Variants in JAK1 observed in about 807,000 individuals in gnomAD.
The protein encoded by JAK1 is tyrosine-protein kinase JAK1.
In JAK1, 16 loss-of-function variants were observed where a neutral mutation model predicts 136.6. That is an observed-to-expected ratio of 0.12 (90% confidence interval 0.08 to 0.18). The LOEUF (loss-of-function observed/expected upper bound fraction) is 0.18. JAK1 is among the 10% of genes least tolerant of loss of function. The pLI, the probability that JAK1 is intolerant of heterozygous loss-of-function variation, is 1.00. For synonymous variants in JAK1, 492 were observed against 519.5 expected (o/e 0.95, Z 0.72); for missense variants, 859 against 1,450.1 (o/e 0.59, Z 6.62).
intron 1 of JAK1, among the ~76,000 whole-genome samples, chr1:64,894,696 G>C (rs1202405559): frequency 3.9e-5 from 6 of 152,178 alleles, no homozygotes; most frequent in African/African-American, 1.4e-4. Flanking sequence ...AGAATCGCTT[G>C]AACCCGGGAG....
At chr1:64,940,721 C>A (rs917311661) in intron 1 of JAK1, among the ~76,000 whole-genome samples, 2 of 152,140 alleles carry the variant, frequency 1.3e-5, no homozygotes. Flanking sequence ...TCTTTCTACT[C>A]CAATTTATGC....
intron 1 of JAK1, among the ~76,000 whole-genome samples, chr1:64,945,731 C>CTT (rs35421858): frequency 5.0e-4 from 74 of 148,106 alleles, no homozygotes; most frequent in South Asian, 1.1e-3. Context: ...GGTTTGCTTT[C>CTT]TTTTTTTTTT....
rs1269917575 is a variant in JAK1, at chr1:64,844,993, A to T, written c.2116-104T>A. 4 of 1,485,150 alleles carry T rather than the reference A, an allele frequency of 2.7e-6. No individual in the cohort carries two copies. The African/African-American group carries it at 5.5e-5, about 20-fold the overall frequency. 92.0% of individuals were successfully genotyped at this position (1,485,150 alleles called of 1,614,324 possible). A position where few individuals can be genotyped will look rare whatever the true frequency, so the allele number is the denominator to read the frequency against. ...TCTTCCTACCCCCAGCTACAGCCAG[A>T]TCTGGACAGCCTGGCCCTGCTGCCA... On this transcript the variant is annotated intron_variant, in intron 15 of 24. Transcript: ENST00000342505. The surrounding 1 kb of genome is among the most constrained non-coding windows in gnomAD (Gnocchi z 5.7).
At chr1:64,852,262 A>G (rs925986370) in intron 11 of JAK1, among the ~76,000 whole-genome samples, 1 of 152,250 alleles carries the variant, frequency 6.6e-6, no homozygotes, top group Non-Finnish European at 1.5e-5. Context: ...TGAGAGATTA[A>G]GTAATTGGCC....
rs1356522608 is a variant in JAK1, at chr1:64,844,077, T to C, written c.2390A>G (p.Lys797Arg). The C allele has an allele frequency of 3.7e-6, 6 of 1,614,022 alleles. No individual in the cohort carries two copies. In the Admixed American group the frequency reaches 1.0e-4, roughly 27 times the overall value. The change falls in exon 17 of 25, where the codon AAG (lysine) becomes AGG (arginine). Residue 797 changes from lysine (K) to arginine (R), a missense_variant. Lys to Arg is a conservative substitution (Grantham distance 26). This residue lies in a region of JAK1 where 409 missense variants were observed against 753.8 expected (regional missense o/e 0.54). Transcript: ENST00000342505. The surrounding 1 kb of genome is among the most constrained non-coding windows in gnomAD (Gnocchi z 5.7). ...CYNGEIPLKD[K>R]TLIEKERFYE... is the part of the protein sequence containing the mutation. ...ACACCTGCTCACCTCAATCAGCGTCTTGTCTTTCAAGGGGATCTCGCCATT... is the reference window on the plus strand; with the variant it reads ...ACACCTGCTCACCTCAATCAGCGTCCTGTCTTTCAAGGGGATCTCGCCATT...
At position 65,052,109 on chromosome 1, in the gene JAK1, C is replaced by A. The variant is rs540365860; in HGVS notation, c.-180-7527G>T. The stretch of plus-strand genomic sequence containing the variant: ...CTGGGACTACAAGCATGCACCACCA[C>A]GCCTGGCTATTTTTTTTTTTTTTTT... On this transcript the variant is annotated intron_variant, in intron 1 of 25. Coordinates refer to the JAK1 transcript ENST00000671954. 2.3e-4 allele frequency among the ~76,000 whole-genome samples: 33 copies of A among 145,050 alleles called. 1 individual carries two copies. In the South Asian group the frequency reaches 6.7e-3, roughly 29 times the overall value.
chr1:64,901,606 T>C (rs574542468), intron 1 of JAK1, among the ~76,000 whole-genome samples: 1 of 152,330 alleles, frequency 6.6e-6, no homozygotes. Flanking sequence ...GAACCAAAAC[T>C]TAGACACAGT....
At chr1:64,857,266 C>T (rs995190235) in intron 10 of JAK1, among the ~76,000 whole-genome samples, 2 of 152,224 alleles carry the variant, frequency 1.3e-5, no homozygotes, top group African/African-American at 4.8e-5. Context: ...CCAGTGAATG[C>T]TGTAGACAGG....
At chr1:64,914,945 C>T (rs1475047568) in intron 1 of JAK1, among the ~76,000 whole-genome samples, 1 of 152,136 alleles carries the variant, frequency 6.6e-6, no homozygotes, top group South Asian at 2.1e-4. Context: ...TTCCTCAATA[C>T]AAGATAAGGC....
At chr1:64,892,149 T>G (rs1644947316) in intron 1 of JAK1, among the ~76,000 whole-genome samples, 1 of 152,234 alleles carries the variant, frequency 6.6e-6, no homozygotes, top group South Asian at 2.1e-4. Flanking sequence ...ATAATCTTAT[T>G]AAAGAGCAAT....
chr1:65,037,779 G>A (rs1358519481), intron 2 of JAK1, among the ~76,000 whole-genome samples: 3 of 152,086 alleles, frequency 2.0e-5, no homozygotes, highest in Non-Finnish European at 2.9e-5. Context: ...CAAGAGGATC[G>A]CTCCTCTTGC....
chr1:64,893,808 A>C (rs310255), intron 1 of JAK1, among the ~76,000 whole-genome samples: 32,686 of 152,150 alleles, frequency 0.21, 4,899 homozygotes, highest in African/African-American at 0.42. Context: ...AAAATGTCAC[A>C]ATGTAAAGAC....
intron 1 of JAK1, among the ~76,000 whole-genome samples, chr1:64,902,529 G>GGTGCCTT (rs1196673382): frequency 1.5e-5 from 2 of 137,490 alleles, no homozygotes; most frequent in African/African-American, 3.0e-5. Context: ...CTGGGGACAT[G>GGTGCCTT]GTGCCTTTAC....
intron 1 of JAK1, among the ~76,000 whole-genome samples, chr1:64,937,669 A>G (rs1341554096): frequency 1.3e-5 from 2 of 152,190 alleles, no homozygotes; most frequent in Non-Finnish European, 2.9e-5. Flanking sequence ...CGATCATAGA[A>G]TGACAAAAAA....
chr1:64,986,130 A>T, intron 2 of JAK1: 1 of 637,982 alleles, frequency 1.6e-6, no homozygotes. Context: ...TTTTGGACAG[A>T]GTTTCACTCT....
chr1:64,898,518 T>C (rs900832568), intron 1 of JAK1, among the ~76,000 whole-genome samples: 1 of 152,188 alleles, frequency 6.6e-6, no homozygotes, highest in Non-Finnish European at 1.5e-5. Flanking sequence ...ACAAAAGTCA[T>C]GTTGGATGAA....
intron 2 of JAK1, among the ~76,000 whole-genome samples, chr1:65,015,522 G>T (rs1646885550): frequency 6.6e-6 from 1 of 152,050 alleles, no homozygotes; most frequent in South Asian, 2.1e-4. Context: ...GTATATAAAA[G>T]TGAAGCAAAG....
At chr1:64,861,168 T>C (rs1570656233) in intron 8 of JAK1, among the ~76,000 whole-genome samples, 4 of 152,100 alleles carry the variant, frequency 2.6e-5, no homozygotes, top group African/African-American at 9.7e-5. Context: ...TCGGCATTAT[T>C]CCTGCTTAGG....
chr1:64,932,055 A>C (rs1315184305), intron 1 of JAK1, among the ~76,000 whole-genome samples: 3 of 152,130 alleles, frequency 2.0e-5, no homozygotes, highest in Admixed American at 6.5e-5. Context: ...TCCTCTGATC[A>C]GGTTCTTTAC....
Sources: allele counts gnomAD v4.1 joint callset (sites outside exome capture counted in the v4.1 genomes callset), GRCh38; gene constraint gnomAD v4.1.1; regional missense constraint gnomAD v4.1.1; non-coding constraint Gnocchi (gnomAD v3.1); transcripts MANE v1.5; gene names NCBI Gene and HGNC (gene_info 2026-07-23, HGNC 2026-07-21).